The following FANCC variants were observed in gnomAD, a reference collection of about 807,000 sequenced individuals.
FANCC encodes the protein Fanconi anemia group C protein.
A neutral mutation model predicts 71.3 loss-of-function variants in FANCC; 55 were observed. That is an observed-to-expected ratio of 0.77 (90% CI 0.62 to 0.97). The LOEUF is 0.97. FANCC is among the 50% of genes least tolerant of loss of function. The pLI is 0.00. For synonymous variants in FANCC, 275 were observed against 244.9 expected (o/e 1.12, Z -1.15); for missense variants, 678 against 670.9 (o/e 1.01, Z -0.12).
chr9:95,208,651 T>C (rs73534887), intron 4 of FANCC, among the ~76,000 whole-genome samples: 5,581 of 152,192 alleles, frequency 0.037, 306 homozygotes, highest in African/African-American at 0.12. Context: ...TGCTGCACAT[T>C]ATATGTCCTC....
intron 7 of FANCC, among the ~76,000 whole-genome samples, chr9:95,148,847 T>C (rs1391454951): frequency 6.6e-6 from 1 of 152,230 alleles, no homozygotes; most frequent in Non-Finnish European, 1.5e-5. Flanking sequence ...AAAATGACCA[T>C]TTTCAAATTT....
In FANCC at chr9:95,171,084, T is replaced by C. The variant is rs748322179; in HGVS notation, c.516A>G (p.Gln172=). 2.5e-6 allele frequency: 4 copies of C among 1,611,360 alleles called. No individual in the cohort carries two copies. Among genetic ancestry groups the C allele is most frequent in the Admixed American group, 1.7e-5 (1 of 60,026 alleles). ...ATGTTTAGTTTAACACCTACCGCCT[T>C]TGAGTGTTAAATCCATTAAGATGAT... ...RENHLNGFNT[Q]RRMAPERVAS... The change falls in exon 6 of 15, where the codon CAA becomes CAG. Residue 172 remains glutamine, a synonymous_variant. Coordinates refer to ENST00000289081, the MANE Select transcript of FANCC (RefSeq NM_000136.3).
chr9:95,235,196 A>G lies in FANCC; in HGVS notation c.345+5453T>C, dbSNP rs1457885768. Among the ~76,000 whole-genome samples, 5 of 152,074 alleles carry G rather than the reference A, an allele frequency of 3.3e-5. No individual in the cohort carries two copies. The South Asian group carries it at 1.0e-3, about 31-fold the overall frequency. ...TGATGCATGATGAAGGTGGCACCACAGATCAGTGGGAAATGCACCCAAAGG... is the reference window on the plus strand; with the variant it reads ...TGATGCATGATGAAGGTGGCACCACGGATCAGTGGGAAATGCACCCAAAGG... On this transcript the variant is annotated intron_variant, in intron 4 of 14. Coordinates refer to ENST00000289081, the MANE Select transcript of FANCC (RefSeq NM_000136.3).
intron 1 of FANCC, chr9:95,294,614 A>G: frequency 3.2e-6 from 5 of 1,566,144 alleles, no homozygotes; most frequent in Non-Finnish European, 3.5e-6. Flanking sequence ...AGCAAAGTTC[A>G]GTTGAACAGT....
intron 8 of FANCC, among the ~76,000 whole-genome samples, chr9:95,130,311 A>T (rs941962195): frequency 1.3e-5 from 2 of 152,072 alleles, no homozygotes; most frequent in Admixed American, 1.3e-4. Context: ...AGAGAGAGAG[A>T]GAGAGAGAGA....
intron 7 of FANCC, among the ~76,000 whole-genome samples, chr9:95,147,384 T>G (rs1186100736): frequency 6.6e-6 from 1 of 152,026 alleles, no homozygotes; most frequent in Non-Finnish European, 1.5e-5. Flanking sequence ...GGCGTGATGG[T>G]GCATGCCTGT....
At chr9:95,315,118 T>C (rs780782334) in intron 1 of FANCC, among the ~76,000 whole-genome samples, 4 of 152,214 alleles carry the variant, frequency 2.6e-5, no homozygotes, top group African/African-American at 9.6e-5. Flanking sequence ...GCAGGTCTCT[T>C]ACCCTCAGTC....
At chr9:95,188,618 A>G (rs1167539645) in intron 4 of FANCC, among the ~76,000 whole-genome samples, 1 of 152,216 alleles carries the variant, frequency 6.6e-6, no homozygotes, top group African/African-American at 2.4e-5. Flanking sequence ...CCTACTCAGT[A>G]AACCTTATCA....
intron 1 of FANCC, among the ~76,000 whole-genome samples, chr9:95,270,217 A>C (rs1472812439): frequency 6.6e-6 from 1 of 152,150 alleles, no homozygotes; most frequent in Non-Finnish European, 1.5e-5. Context: ...TGCCTTAGTC[A>C]TGATTAAAAA....
At chr9:95,297,657 C>T (rs1016160727) in intron 1 of FANCC, among the ~76,000 whole-genome samples, 8 of 152,146 alleles carry the variant, frequency 5.3e-5, no homozygotes, top group Non-Finnish European at 8.8e-5. Context: ...TAAAACAACA[C>T]CAAGCATAAC....
At chr9:95,229,774 C>CGT (rs1829874094) in intron 4 of FANCC, among the ~76,000 whole-genome samples, 1 of 29,858 alleles carries the variant, frequency 3.3e-5, no homozygotes, top group Admixed American at 2.9e-4. Flanking sequence ...CACATGTACA[C>CGT]ACACACACAC....
At chr9:95,200,860 G>A (rs562833098) in intron 4 of FANCC, among the ~76,000 whole-genome samples, 9 of 152,152 alleles carry the variant, frequency 5.9e-5, no homozygotes, top group Admixed American at 4.6e-4. Flanking sequence ...AATAAAAGGC[G>A]CATATTTTAA....
intron 1 of FANCC, among the ~76,000 whole-genome samples, chr9:95,260,692 A>AT (rs978498603): frequency 8.6e-5 from 13 of 151,836 alleles, no homozygotes; most frequent in Admixed American, 2.6e-4. Flanking sequence ...AATATAAAAA[A>AT]AAAAAAAAAA....
chr9:95,158,967 C>G (rs531833257), intron 6 of FANCC, among the ~76,000 whole-genome samples: 1 of 151,900 alleles, frequency 6.6e-6, no homozygotes, highest in Non-Finnish European at 1.5e-5. Context: ...GAACTAAGGA[C>G]ACGGATGTCC....
chr9:95,179,638 T>C (rs1165243975), intron 4 of FANCC, among the ~76,000 whole-genome samples: 1 of 152,192 alleles, frequency 6.6e-6, no homozygotes, highest in Admixed American at 6.5e-5. Context: ...TGAGCCACCA[T>C]GCCCAGCCGG....
chr9:95,256,620 C>T (rs538454982), intron 1 of FANCC, among the ~76,000 whole-genome samples: 1 of 152,282 alleles, frequency 6.6e-6, no homozygotes, highest in African/African-American at 2.4e-5. Flanking sequence ...TGTGAAGAAA[C>T]TCCATCAACT....
chr9:95,215,885 T>C (rs1317233947), intron 4 of FANCC, among the ~76,000 whole-genome samples: 5 of 152,210 alleles, frequency 3.3e-5, no homozygotes, highest in African/African-American at 1.2e-4. Context: ...TTACATTGTG[T>C]AGTGGAGTTC....
chr9:95,152,799 C>A (rs186449224), intron 6 of FANCC, among the ~76,000 whole-genome samples: 1 of 151,788 alleles, frequency 6.6e-6, no homozygotes, highest in Admixed American at 6.6e-5. Flanking sequence ...TCTCCTCCCC[C>A]TTCTGAGTCT....
At chr9:95,272,683 T>A (rs1447802886) in intron 1 of FANCC, among the ~76,000 whole-genome samples, 1 of 151,940 alleles carries the variant, frequency 6.6e-6, no homozygotes, top group African/African-American at 2.4e-5. Context: ...GGTAACAGAG[T>A]AAGACTCTGT....
Sources: gnomAD v4.1 joint callset for allele counts (sites outside exome capture counted in the v4.1 genomes callset) on GRCh38, gnomAD v4.1.1 for gene constraint, MANE v1.5 for transcripts, NCBI Gene and HGNC (gene_info 2026-07-23, HGNC 2026-07-21) for gene names.